Variants in PPEF1 observed in about 807,000 individuals in gnomAD.
PPEF1 encodes protein phosphatase with EF-hand domain 1.
In PPEF1, 12 loss-of-function variants were observed where a neutral mutation model predicts 53.3. That is an observed-to-expected ratio of 0.23 (90% CI 0.14 to 0.36). PPEF1 has a LOEUF of 0.36. Among genes scored for constraint, PPEF1 ranks in the 10% least tolerant of loss-of-function variants. PPEF1 has a pLI of 1.00. For missense variants in PPEF1, 334 were observed against 490.4 expected (o/e 0.68, Z 3.01); for synonymous variants, 165 against 176.7 (o/e 0.93, Z 0.52).
chrX:18,760,921 C>T (rs2045650778), intron 5 of PPEF1, among the ~76,000 whole-genome samples: 1 of 109,876 alleles, frequency 9.1e-6, no homozygotes, highest in Non-Finnish European at 1.9e-5. Context: ...GCTGGGATTA[C>T]AGGCGTGTGC....
chrX:18,676,903 A>C (rs1928695604), intron 1 of PPEF1, among the ~76,000 whole-genome samples: 1 of 111,599 alleles, frequency 9.0e-6, no homozygotes, highest in Non-Finnish European at 1.9e-5. Context: ...TGCAGAAAAG[A>C]AGCTGGTGTC....
intron 10 of PPEF1, among the ~76,000 whole-genome samples, chrX:18,795,381 C>A (rs2046413210): frequency 8.9e-6 from 1 of 112,130 alleles, no homozygotes; most frequent in Admixed American, 9.4e-5. Flanking sequence ...CTAACACTGC[C>A]ATTCCTGTCA....
At chrX:18,719,408 G>A (rs748847062) in intron 1 of PPEF1, among the ~76,000 whole-genome samples, 4 of 105,221 alleles carry the variant, frequency 3.8e-5, no homozygotes, top group South Asian at 4.4e-4. Context: ...GTGCAGTGGC[G>A]CCATCAAGGC....
At chrX:18,746,837 A>G (rs1410645277) in intron 3 of PPEF1, among the ~76,000 whole-genome samples, 2 of 112,241 alleles carry the variant, frequency 1.8e-5, no homozygotes, top group Non-Finnish European at 3.8e-5. Context: ...CTCTGGGATC[A>G]AGTTCCATCT....
chrX:18,783,846 C>A, intron 8 of PPEF1, 53 bp from the exon 9 acceptor site: 1 of 1,137,860 alleles, frequency 8.8e-7, no homozygotes, highest in South Asian at 2.1e-5. Context: ...GGGGACTATT[C>A]AATAAACTGA....
chrX:18,711,340 G>A (rs2044322799), intron 1 of PPEF1, among the ~76,000 whole-genome samples: 1 of 108,898 alleles, frequency 9.2e-6, no homozygotes, highest in South Asian at 4.0e-4. Context: ...AGGGGGGTGA[G>A]GTATGAGAAA....
At chrX:18,700,847 T>C (rs1930064454) in intron 6 of PPEF1, among the ~76,000 whole-genome samples, 1 of 112,550 alleles carries the variant, frequency 8.9e-6, no homozygotes, top group Non-Finnish European at 1.9e-5. Flanking sequence ...TAGAGGTTTC[T>C]AGCTATCTGT....
At chrX:18,759,670 T>C (rs1192951613) in intron 5 of PPEF1, among the ~76,000 whole-genome samples, 1 of 111,794 alleles carries the variant, frequency 8.9e-6, no homozygotes, top group African/African-American at 3.3e-5. Flanking sequence ...TGAGACCATA[T>C]GAAAGCAATG....
intron 14 of PPEF1, among the ~76,000 whole-genome samples, 190 bp downstream of exon 14, chrX:18,824,276 C>A (rs1370329643): frequency 3.6e-5 from 4 of 111,200 alleles, no homozygotes; most frequent in Non-Finnish European, 7.5e-5. Flanking sequence ...CCCGTCTCTA[C>A]CAAAAATACA....
At chrX:18,754,853 G>A (rs1024235275) in intron 4 of PPEF1, among the ~76,000 whole-genome samples, 4 of 111,601 alleles carry the variant, frequency 3.6e-5, no homozygotes, top group African/African-American at 1.3e-4. Flanking sequence ...CTCCCACTTC[G>A]GCTTCCCAAA....
chrX:18,768,670 C>A (rs778972518), intron 6 of PPEF1, among the ~76,000 whole-genome samples: 1 of 112,669 alleles, frequency 8.9e-6, no homozygotes, highest in African/African-American at 3.2e-5. Context: ...GTTGATTTAA[C>A]ATATATTTAT....
chrX:18,738,789 A>T (rs150765900), intron 3 of PPEF1, among the ~76,000 whole-genome samples: 62 of 99,707 alleles, frequency 6.2e-4, no homozygotes, highest in African/African-American at 9.2e-4. Context: ...TAGTCTTTTC[A>T]CATAGTCCCA....
At chrX:18,819,363 C>T (rs997193885) in intron 13 of PPEF1, among the ~76,000 whole-genome samples, 11 of 111,613 alleles carry the variant, frequency 9.9e-5, no homozygotes, top group South Asian at 3.7e-4. Context: ...GAAGATTAGA[C>T]GCTACTCAAG....
At chrX:18,772,437 A>AT (rs1484243289) in intron 6 of PPEF1, among the ~76,000 whole-genome samples, 2 of 110,994 alleles carry the variant, frequency 1.8e-5, no homozygotes, top group Non-Finnish European at 3.8e-5. Flanking sequence ...ATTTTCCCAT[A>AT]TTTTTTCTAT....
intron 1 of PPEF1, among the ~76,000 whole-genome samples, chrX:18,720,092 G>A (rs930402951): frequency 1.8e-5 from 2 of 111,271 alleles, no homozygotes; most frequent in East Asian, 5.7e-4. Flanking sequence ...ATCTCATCAC[G>A]AGGAAAAGAG....
At chrX:18,686,259 G>A (rs1239740251) in intron 3 of PPEF1, 1 of 111,131 alleles carries the variant, frequency 9.0e-6, no homozygotes, top group East Asian at 2.8e-4. Context: ...GACTAAGGAT[G>A]GAGGGCTCCG....
chrX:18,739,625 T>G (rs1447088142), intron 3 of PPEF1, among the ~76,000 whole-genome samples: 1 of 112,039 alleles, frequency 8.9e-6, no homozygotes, highest in Admixed American at 9.5e-5. Context: ...TCAGATCTCA[T>G]ACTCTGTGCT....
chrX:18,783,939 A>T lies in PPEF1; in HGVS notation c.803A>T (p.Tyr268Phe). 1 of 1,208,780 alleles carries T rather than the reference A, an allele frequency of 8.3e-7. No individual in the cohort carries two copies. The highest frequency in any genetic ancestry group is 1.1e-6 in the Non-Finnish European group (1 of 893,545). Residue 268 changes from tyrosine to phenylalanine, a missense_variant, in exon 9 of 16, where the codon TAT (tyrosine) becomes TTT (phenylalanine). Tyr to Phe is a conservative substitution (Grantham distance 22). Transcript: ENST00000470157. ...KRILQILEEF[Y>F]AWLPIGTIVD... Reference sequence around the variant, plus strand: ...ATCTTACAAATCTTGGAAGAATTCTATGCCTGGCTCCCAATCGGTACAATC... The same window carrying T: ...ATCTTACAAATCTTGGAAGAATTCTTTGCCTGGCTCCCAATCGGTACAATC...
chrX:18,691,080 A>G (rs1056907280), exon 4 of PPEF1: 5 of 111,657 alleles, frequency 4.5e-5, no homozygotes, highest in Non-Finnish European at 9.4e-5. Flanking sequence ...GACCTGATCA[A>G]ACCTCGAGGG....
Sources: gnomAD v4.1 joint callset for allele counts (sites outside exome capture counted in the v4.1 genomes callset) on GRCh38, gnomAD v4.1.1 for gene constraint, MANE v1.5 for transcripts, NCBI Gene and HGNC (gene_info 2026-07-23, HGNC 2026-07-21) for gene names.